The following SYNRG variants were observed in gnomAD, a reference collection of about 807,000 sequenced individuals.
The protein encoded by SYNRG is AP1 gamma subunit binding protein 1.
SYNRG carries 37 observed loss-of-function variants against 130.9 expected under a neutral mutation model. That is an observed-to-expected ratio of 0.28 (90% CI 0.22 to 0.37). The LOEUF is 0.37. Ranked by LOEUF, SYNRG falls within the 10% of genes least tolerant of loss-of-function variation. The probability of loss-of-function intolerance (pLI) is 1.00; values close to 1 mark genes in which losing one functional copy is unlikely to be tolerated. For synonymous variants in SYNRG, 539 were observed against 568.1 expected, an observed-to-expected ratio of 0.95 and a Z score of 0.73; for missense variants, 1,338 against 1,588.9, an observed-to-expected ratio of 0.84 and a Z score of 2.68.
chr17:37,561,757 A>C (rs893324452), intron 11 of SYNRG, among the ~76,000 whole-genome samples, 168 bp from the exon 12 acceptor site: 1 of 151,866 alleles, frequency 6.6e-6, no homozygotes, highest in African/African-American at 2.4e-5. Context: ...TAAAAAAAAA[A>C]CCATGTCCTT....
At chr17:37,546,758 T>C (rs768613364) in intron 14 of SYNRG, among the ~76,000 whole-genome samples, 2 of 152,220 alleles carry the variant, frequency 1.3e-5, no homozygotes, top group Non-Finnish European at 2.9e-5. Flanking sequence ...AGGAGATATA[T>C]GTACAAATTC....
At chr17:37,565,141 G>A (rs2059829592) in intron 11 of SYNRG, among the ~76,000 whole-genome samples, 1 of 152,140 alleles carries the variant, frequency 6.6e-6, no homozygotes, top group South Asian at 2.1e-4. Flanking sequence ...GCGCGTGCCT[G>A]TAGTCCCAGC....
chr17:37,553,012 A>G, intron 14 of SYNRG, 103 bp downstream of exon 14: 1 of 1,064,408 alleles, frequency 9.4e-7, no homozygotes, highest in African/African-American at 1.6e-5. Flanking sequence ...TTAGAGATTC[A>G]TAAAGCTAAA....
At chr17:37,558,897 C>T (rs1269309582) in intron 13 of SYNRG, among the ~76,000 whole-genome samples, 3 of 152,156 alleles carry the variant, frequency 2.0e-5, no homozygotes, top group Non-Finnish European at 4.4e-5. Context: ...AGAGCTCTCA[C>T]CATTCTAACA....
intron 11 of SYNRG, among the ~76,000 whole-genome samples, chr17:37,565,250 A>C (rs1033711269): frequency 6.6e-6 from 1 of 151,112 alleles, no homozygotes; most frequent in Non-Finnish European, 1.5e-5. Context: ...GAGACAGAGC[A>C]AGACTCCGTC....
In SYNRG at chr17:37,609,384, C is replaced by G. The variant is rs544771729; in HGVS notation, c.-29G>C. 6.6e-5 allele frequency: 92 copies of G among 1,402,822 alleles called. 1 individual carries two copies. The South Asian group carries it at 1.3e-3, about 20-fold the overall frequency. The allele number at this position is 1,402,822 out of a possible 1,614,324, so 86.9% of individuals were successfully genotyped here. ...GCTCCCGACCTGCCGCTGCCTTCGC[C>G]GCCGCCACCTTATCAGCAGCTGTCA... On this transcript the variant is annotated 5_prime_UTR_variant, in exon 1 of 22. Transcript: ENST00000612223.
In SYNRG at chr17:37,538,554, C is replaced by T. The variant is rs149573254; in HGVS notation, c.3421-134G>A. 906 of 632,962 alleles carry T rather than the reference C, an allele frequency of 1.4e-3. 1 individual carries two copies. The African/African-American group carries it at 0.015, about 10-fold the overall frequency. 39.2% of individuals were successfully genotyped at this position (632,962 alleles called of 1,614,324 possible). A position where few individuals can be genotyped will look rare whatever the true frequency, so the allele number is the denominator to read the frequency against. On this transcript the variant is annotated intron_variant, in intron 17 of 21. Transcript: ENST00000612223. ...TCATTTTATCCTTGAAGAAACAATC[C>T]TCCATTTCTCTGGAAGAGAAAATAT... is the stretch of plus-strand genomic sequence containing the variant.
chr17:37,596,344 G>C lies in SYNRG; in HGVS notation c.119C>G (p.Ala40Gly), dbSNP rs12944821. 297,960 of 1,612,542 alleles carry C rather than the reference G, an allele frequency of 0.18. 29,075 individuals are homozygous for C. Among genetic ancestry groups the C allele is most frequent in the Admixed American group, 0.33 (19,815 of 59,832 alleles). The stretch of plus-strand genomic sequence containing the variant: ...TTGTTGCTGCATCGGCATCAGGCCT[G>C]CTGAAAATATAAAGACATTATTAAA... ...PVAGGIRPPQ[A>G]GLMPMQQQGF... Residue 40 changes from alanine to glycine, a missense_variant and splice_region_variant, in exon 3 of 22, where the codon GCA becomes GGA. This residue lies in a region of SYNRG where 184 missense variants were observed against 217.2 expected (regional missense o/e 0.85). Coordinates refer to ENST00000612223, the MANE Select transcript of SYNRG (RefSeq NM_007247.6).
At position 37,514,827 on chromosome 17, in the gene SYNRG, G is replaced by A. The variant is rs2054304897; in HGVS notation, c.*4113C>T. On this transcript the variant is annotated 3_prime_UTR_variant, in exon 22 of 22. Coordinates refer to ENST00000612223, the MANE Select transcript of SYNRG (RefSeq NM_007247.6). ...TGACATTCTTCTACACTTGTATTTT[G>A]GTTAGAGAAGTTTAACAAGGGGTGA... 1 of 152,154 alleles carries A rather than the reference G, an allele frequency of 6.6e-6. No individual in the cohort carries two copies. The highest frequency in any genetic ancestry group is 1.5e-5 in the Non-Finnish European group (1 of 68,038). The allele number at this position is 152,154 out of a possible 1,614,324, so 9.4% of individuals were successfully genotyped here. A position where few individuals can be genotyped will look rare whatever the true frequency, so the allele number is the denominator to read the frequency against.
At chr17:37,541,070 A>G (rs1253914042) in intron 15 of SYNRG, 10 of 985,730 alleles carry the variant, frequency 1.0e-5, no homozygotes, top group African/African-American at 1.7e-5. Flanking sequence ...CGTTTTCAAC[A>G]TGACTCTTCT....
chr17:37,522,974 T>C (rs917651502), intron 19 of SYNRG, among the ~76,000 whole-genome samples: 2 of 152,086 alleles, frequency 1.3e-5, no homozygotes, highest in African/African-American at 4.8e-5. Flanking sequence ...TAATAACATT[T>C]TCTCCATCAC....
chr17:37,561,071 T>C (rs1213114942), intron 13 of SYNRG, 124 bp downstream of exon 13: 2 of 788,844 alleles, frequency 2.5e-6, no homozygotes, highest in Non-Finnish European at 4.2e-6. Context: ...ATTCAGTTTT[T>C]TTCTCCTAAA....
intron 13 of SYNRG, among the ~76,000 whole-genome samples, chr17:37,560,736 C>T (rs1310606252): frequency 1.3e-5 from 2 of 149,928 alleles, no homozygotes; most frequent in Non-Finnish European, 3.0e-5. Context: ...GGCACAATCT[C>T]AGCTCACTGC....
rs185717665 is a variant in SYNRG at position 37,540,923 on chromosome 17, C to T, written c.3203-380G>A. 808 of 999,030 alleles carry T rather than the reference C, an allele frequency of 8.1e-4. 3 individuals carry two copies. The highest frequency in any genetic ancestry group is 9.2e-4 in the Non-Finnish European group (774 of 838,920). The allele number at this position is 999,030 out of a possible 1,614,324, so 61.9% of individuals were successfully genotyped here. A position where few individuals can be genotyped will look rare whatever the true frequency, so the allele number is the denominator to read the frequency against. ...CGTTGAGATTACAGGTGTGAGCCAC[C>T]GCGCCCAGCCCACGACCCTCTTCTT... On this transcript the variant is annotated intron_variant, in intron 15 of 21. Coordinates refer to ENST00000612223, the MANE Select transcript of SYNRG (RefSeq NM_007247.6).
At position 37,540,630 on chromosome 17, in the gene SYNRG, CTTTTTTTTTTT is replaced by C. The variant is rs767724523; in HGVS notation, c.3203-98_3203-88del. ...TCTTCCTCGCTACCACAACCCTCTT[CTTTTTTTTTTT>C]TTTTTTTTTTTGAGACAGATTCTTG... On this transcript the variant is annotated intron_variant, in intron 15 of 21. Transcript: ENST00000612223. The C allele has an allele frequency of 3.6e-5, 25 of 695,996 alleles. 1 individual carries two copies. Among genetic ancestry groups the C allele is most frequent in the Middle Eastern group, 9.0e-4 (2 of 2,228 alleles). 43.1% of individuals were successfully genotyped at this position (695,996 alleles called of 1,614,324 possible).
At chr17:37,544,419 A>C (rs1278654992) in intron 14 of SYNRG, among the ~76,000 whole-genome samples, 3 of 151,810 alleles carry the variant, frequency 2.0e-5, no homozygotes, top group African/African-American at 7.2e-5. Context: ...GGTTCAAGCG[A>C]TTCTCCGGTC....
At chr17:37,538,176 T>C in intron 18 of SYNRG, 148 bp downstream of exon 18, 1 of 576,474 alleles carries the variant, frequency 1.7e-6, no homozygotes, top group South Asian at 2.7e-5. Context: ...GTTTACTGCC[T>C]GTAGCTTGAG....
Position 37,586,413 on chromosome 17 carries a change from T to C in SYNRG, c.371+6A>G, listed in dbSNP as rs965651466. The C allele has an allele frequency of 1.2e-6, 2 of 1,613,856 alleles. No homozygotes were observed. Among genetic ancestry groups the C allele is most frequent in the Non-Finnish European group, 1.7e-6 (2 of 1,179,962 alleles). On this transcript the variant is annotated splice_donor_region_variant and intron_variant, in intron 4 of 21. Coordinates refer to ENST00000612223, the MANE Select transcript of SYNRG (RefSeq NM_007247.6). ...TTGTTATCCTTTAATTCTGGTGATC[T>C]CTTACTGCTGCTCTTCGGCAAACTG...
chr17:37,568,731 T>C lies in SYNRG; in HGVS notation c.1481+60A>G. 3.2e-6 allele frequency: 5 copies of C among 1,576,338 alleles called. No individual in the cohort carries two copies. The South Asian group carries it at 5.8e-5, about 18-fold the overall frequency. Reference sequence around the variant, plus strand: ...AATTTCTCACACCTAGCCTTCCTATTATGGATGCCTCTTTCTTAATGGTTA... The same window carrying C: ...AATTTCTCACACCTAGCCTTCCTATCATGGATGCCTCTTTCTTAATGGTTA... On this transcript the variant is annotated intron_variant, in intron 11 of 21. Coordinates refer to ENST00000612223, the MANE Select transcript of SYNRG (RefSeq NM_007247.6).
Sources: gnomAD v4.1 joint callset for allele counts (sites outside exome capture counted in the v4.1 genomes callset) on GRCh38, gnomAD v4.1.1 for gene constraint, gnomAD v4.1.1 regional missense constraint, MANE v1.5 for transcripts, NCBI Gene and HGNC (gene_info 2026-07-23, HGNC 2026-07-21) for gene names.